BFSP2: variants seen among roughly 807,000 people sequenced by gnomAD.
The protein encoded by BFSP2 is beaded filament structural protein 2.
BFSP2 carries 38 observed loss-of-function variants against 44.9 expected under a neutral mutation model. The observed-to-expected ratio is 0.85, with a 90% CI of 0.65 to 1.11. The LOEUF (loss-of-function observed/expected upper bound fraction) is 1.11, where lower values mean the gene tolerates loss of function less well. BFSP2 is among the 50% of genes least tolerant of loss of function. BFSP2 has a pLI of 0.00. For missense variants in BFSP2, 525 were observed against 533.0 expected (o/e 0.99, Z 0.15); for synonymous variants, 197 against 209.9 (o/e 0.94, Z 0.53).
intron 1 of BFSP2, among the ~76,000 whole-genome samples, chr3:133,402,649 T>A (rs957549261): frequency 4.0e-5 from 6 of 151,838 alleles, no homozygotes; most frequent in African/African-American, 1.5e-4. Flanking sequence ...ATTTCTTTTT[T>A]TTTTTTTTTG....
At position 133,403,592 on chromosome 3, in the gene BFSP2, C is replaced by A. The variant is rs188914334; in HGVS notation, c.489+3020C>A. Reference sequence around the variant, plus strand: ...GGTGGGGATGTCCATTTTGGTGGCACTTTCTTGGATCAGGCTGGAGCAAGC... The same window carrying A: ...GGTGGGGATGTCCATTTTGGTGGCAATTTCTTGGATCAGGCTGGAGCAAGC... On this transcript the variant is annotated intron_variant, in intron 1 of 6. Coordinates refer to ENST00000302334, the MANE Select transcript of BFSP2 (RefSeq NM_003571.4). Among the ~76,000 whole-genome samples the A allele has an allele frequency of 1.1e-3, 160 of 152,326 alleles. 1 individual carries two copies. Among genetic ancestry groups the A allele is most frequent in the African/African-American group, 3.8e-3 (156 of 41,570 alleles).
chr3:133,410,252 T>C, intron 1 of BFSP2: 1 of 344,106 alleles, frequency 2.9e-6, no homozygotes, highest in Non-Finnish European at 5.7e-6. Flanking sequence ...CACCCAGCAT[T>C]TCTGTCCCAG....
intron 4 of BFSP2, among the ~76,000 whole-genome samples, chr3:133,456,451 G>A (rs1029993816): frequency 6.6e-6 from 1 of 152,152 alleles, no homozygotes; most frequent in Non-Finnish European, 1.5e-5. Context: ...GGTAGCTACT[G>A]GCCTCAAGGG....
intron 1 of BFSP2, among the ~76,000 whole-genome samples, chr3:133,429,013 GTTAT>G (rs2073681618): frequency 2.5e-5 from 3 of 120,650 alleles, no homozygotes; most frequent in African/African-American, 2.7e-5. Flanking sequence ...TCAACTCAGT[GTTAT>G]TTGTTAAAAA....
chr3:133,451,870 C>T (rs1004868885), intron 4 of BFSP2, among the ~76,000 whole-genome samples: 1 of 152,206 alleles, frequency 6.6e-6, no homozygotes, highest in African/African-American at 2.4e-5. Flanking sequence ...CCTTCTCCAT[C>T]TCCCACCCAT....
intron 1 of BFSP2, among the ~76,000 whole-genome samples, chr3:133,411,705 A>G (rs2073455584): frequency 1.5e-5 from 1 of 66,532 alleles, no homozygotes; most frequent in South Asian, 6.9e-4. Flanking sequence ...GGACTTTTTA[A>G]TAAGTGATAT....
intron 3 of BFSP2, among the ~76,000 whole-genome samples, chr3:133,449,421 G>C (rs2073935293): frequency 6.6e-6 from 1 of 152,076 alleles, no homozygotes; most frequent in Non-Finnish European, 1.5e-5. Context: ...TTTTGTTTTT[G>C]TTTTTGTTTT....
At position 133,456,918 on chromosome 3, in the gene BFSP2, A is replaced by G. The variant is rs117175487; in HGVS notation, c.891+6454A>G. Among the ~76,000 whole-genome samples, 81 of 152,336 alleles carry G rather than the reference A, an allele frequency of 5.3e-4. No homozygotes were observed. The East Asian group carries it at 0.015, about 29-fold the overall frequency. Reference sequence around the variant, plus strand: ...AATAGCATCTCTCCATGTCATCTACACTTACAAACAATAATTTTCCCTGTA... The same window carrying G: ...AATAGCATCTCTCCATGTCATCTACGCTTACAAACAATAATTTTCCCTGTA... On this transcript the variant is annotated intron_variant, in intron 4 of 6. Coordinates refer to ENST00000302334, the MANE Select transcript of BFSP2 (RefSeq NM_003571.4).
chr3:133,453,439 G>T (rs770444349), intron 4 of BFSP2, among the ~76,000 whole-genome samples: 28 of 152,182 alleles, frequency 1.8e-4, no homozygotes, highest in Non-Finnish European at 3.2e-4. Flanking sequence ...ACAAATATTG[G>T]AGTTAAGGTA....
intron 1 of BFSP2, among the ~76,000 whole-genome samples, chr3:133,434,657 A>G (rs2073763058): frequency 6.6e-6 from 1 of 152,118 alleles, no homozygotes; most frequent in Non-Finnish European, 1.5e-5. Flanking sequence ...ACCTTAACTG[A>G]TGATATTCCA....
chr3:133,425,921 G>T, intron 1 of BFSP2, among the ~76,000 whole-genome samples: 1 of 43,662 alleles, frequency 2.3e-5, no homozygotes, highest in Non-Finnish European at 4.2e-5. Context: ...GAGGGCAAGG[G>T]AAGGCTAGGG....
chr3:133,437,486 G>A (rs911006841), intron 1 of BFSP2, among the ~76,000 whole-genome samples: 9 of 151,640 alleles, frequency 5.9e-5, no homozygotes, highest in African/African-American at 2.2e-4. Context: ...TCACGCCATT[G>A]CACTCCAGCC....
At chr3:133,433,412 C>A (rs2107907861) in intron 1 of BFSP2, among the ~76,000 whole-genome samples, 1 of 152,316 alleles carries the variant, frequency 6.6e-6, no homozygotes, top group South Asian at 2.1e-4. Flanking sequence ...TCTCAGTGTT[C>A]CATCTGCTGT....
At position 133,400,530 on chromosome 3, in the gene BFSP2, CTG is replaced by C. The variant is rs2073354439; in HGVS notation, c.448_449del (p.Trp150GlyfsTer16). 2 of 1,613,372 alleles carry C rather than the reference CTG, an allele frequency of 1.2e-6. No homozygotes were observed. The highest frequency in any genetic ancestry group is 8.5e-7 in the Non-Finnish European group (1 of 1,179,756). On this transcript the variant is annotated frameshift_variant, in exon 1 of 7. Coordinates refer to ENST00000302334, the MANE Select transcript of BFSP2 (RefSeq NM_003571.4). LOFTEE classifies it high-confidence loss of function. The surrounding 1 kb of genome is among the most constrained non-coding windows in gnomAD (Gnocchi z 4.0). ...AGAGCAAAGCCACACGCTCGGGAAA[CTG>C]GGGTGCCCTACGGGCTTCCTGGGCC... is the stretch of plus-strand genomic sequence containing the variant. Reference protein sequence around the residue: ...LESKATRSGNWGALRASWASS... With the variant: ...LESKATRSGNXGALRASWASS...
At chr3:133,421,374 G>A (rs6789854) in intron 1 of BFSP2, among the ~76,000 whole-genome samples, 148,086 of 152,320 alleles carry the variant, frequency 0.97, 72,068 homozygotes, top group African/African-American at 0.99. Context: ...GAGGACTGTG[G>A]GAGAGAATCG....
At chr3:133,415,708 C>A (rs1265586115) in intron 1 of BFSP2, among the ~76,000 whole-genome samples, 5 of 135,496 alleles carry the variant, frequency 3.7e-5, no homozygotes, top group African/African-American at 1.1e-4. Flanking sequence ...TCACCCCTGT[C>A]CTCTCCCCTC....
At chr3:133,412,568 G>A (rs896702553) in intron 1 of BFSP2, 2 of 152,298 alleles carry the variant, frequency 1.3e-5, no homozygotes, top group Admixed American at 6.5e-5. Flanking sequence ...CCAGAAGATG[G>A]CCCTTCAGAG....
At chr3:133,439,073 C>T (rs2073819619) in intron 1 of BFSP2, among the ~76,000 whole-genome samples, 1 of 152,214 alleles carries the variant, frequency 6.6e-6, no homozygotes, top group Non-Finnish European at 1.5e-5. Context: ...AACTGCTGTT[C>T]ACCCACTTAG....
At chr3:133,425,792 AGG>A (rs1465190660) in intron 1 of BFSP2, among the ~76,000 whole-genome samples, 40 of 139,788 alleles carry the variant, frequency 2.9e-4, no homozygotes, top group African/African-American at 5.6e-4. Flanking sequence ...AGGGAAGGGA[AGG>A]GAAGGGAAGA....
Sources: allele counts gnomAD v4.1 joint callset (sites outside exome capture counted in the v4.1 genomes callset), GRCh38; gene constraint gnomAD v4.1.1; non-coding constraint Gnocchi (gnomAD v3.1); transcripts MANE v1.5; gene names NCBI Gene and HGNC (gene_info 2026-07-23, HGNC 2026-07-21).